TRPM7: variants seen among roughly 807,000 people sequenced by gnomAD.
TRPM7 encodes transient receptor potential cation channel subfamily M member 7.
A neutral mutation model predicts 229.7 loss-of-function variants in TRPM7; 134 were observed. The observed-to-expected ratio is 0.58, with a 90% confidence interval of 0.51 to 0.67. The LOEUF (loss-of-function observed/expected upper bound fraction) is 0.67. Ranked by LOEUF, TRPM7 falls within the 30% of genes least tolerant of loss-of-function variation. The pLI is 0.00. For synonymous variants in TRPM7, 699 were observed against 715.2 expected (o/e 0.98, Z 0.36); for missense variants, 1,901 against 2,210.0 (o/e 0.86, Z 2.80).
At chr15:50,653,992 A>G (rs2061492052) in intron 3 of TRPM7, among the ~76,000 whole-genome samples, 2 of 152,306 alleles carry the variant, frequency 1.3e-5, no homozygotes, top group Non-Finnish European at 2.9e-5. Context: ...GAAGGTCCAC[A>G]TCCTAGGACT....
Position 50,575,012 on chromosome 15 carries a change from C to T in TRPM7, c.4859G>A (p.Gly1620Glu). 2 of 1,614,130 alleles carry T rather than the reference C, an allele frequency of 1.2e-6. No homozygotes were observed. Among genetic ancestry groups the T allele is most frequent in the Non-Finnish European group, 1.7e-6 (2 of 1,179,998 alleles). Residue 1620 changes from glycine (G) to glutamate (E), a missense_variant, in exon 34 of 39, where the codon GGA (glycine) becomes GAA (glutamate). Gly to Glu is a moderately conservative substitution (Grantham distance 98). Transcript: ENST00000646667. ...KIEFLSKEEM[G>E]GGLRRAVKVQ... is the part of the protein sequence containing the mutation. ...TTTGACAGCTCTTCGTAAACCTCCTCCCATCTCCTCTTTGCTTAAAAACTC... is the reference window on the plus strand; with the variant it reads ...TTTGACAGCTCTTCGTAAACCTCCTTCCATCTCCTCTTTGCTTAAAAACTC...
chr15:50,644,665 TGA>T lies in TRPM7; in HGVS notation c.322-1114_322-1113del, dbSNP rs527294325. 2.5e-4 allele frequency among the ~76,000 whole-genome samples: 38 copies of T among 151,756 alleles called. 1 individual carries two copies. In the South Asian group the frequency reaches 7.7e-3, roughly 31 times the overall value. On this transcript the variant is annotated intron_variant, in intron 4 of 38. Coordinates refer to ENST00000646667, the MANE Select transcript of TRPM7 (RefSeq NM_017672.6). The stretch of plus-strand genomic sequence containing the variant: ...TAAATACAAAAAAATTAGCTAGGCG[TGA>T]GTGCTTGTAATCCCAGCTACTTGGG...
chr15:50,593,471 C>A lies in TRPM7; in HGVS notation c.3608+146G>T, dbSNP rs141497458. On this transcript the variant is annotated intron_variant, in intron 25 of 38. Transcript: ENST00000646667. ...TGACTTATATGAAGTATTAATAGAA[C>A]TGAACGATCTTTCCAATACATCATG... 12 of 838,640 alleles carry A rather than the reference C, an allele frequency of 1.4e-5. No homozygotes were observed. The African/African-American group carries it at 1.6e-4, about 11-fold the overall frequency. 51.9% of individuals were successfully genotyped at this position (838,640 alleles called of 1,614,324 possible). A position where few individuals can be genotyped will look rare whatever the true frequency, so the allele number is the denominator to read the frequency against.
At chr15:50,580,743 G>A (rs896227175) in intron 30 of TRPM7, 131 bp downstream of exon 30, 2 of 718,812 alleles carry the variant, frequency 2.8e-6, no homozygotes, top group Admixed American at 3.3e-5. Context: ...TATGTGAAGA[G>A]AGGAGATGCT....
chr15:50,579,492 C>T (rs1555403587), intron 30 of TRPM7, among the ~76,000 whole-genome samples: 4 of 152,196 alleles, frequency 2.6e-5, no homozygotes, highest in Non-Finnish European at 5.9e-5. Flanking sequence ...ATCAATCACT[C>T]TTTTCTCAGC....
At position 50,602,645 on chromosome 15, in the gene TRPM7, T is replaced by C. The variant is rs911992222; in HGVS notation, c.2988+2221A>G. 3.9e-5 allele frequency among the ~76,000 whole-genome samples: 6 copies of C among 152,238 alleles called. No individual in the cohort carries two copies. In the South Asian group the frequency reaches 6.2e-4, roughly 16 times the overall value. ...ATGTCTATATTTAGAGACTCAATTG[T>C]TGAGTTCCACGAAGATCTGGACCAT... On this transcript the variant is annotated intron_variant, in intron 21 of 38. Transcript: ENST00000646667.
intron 27 of TRPM7, among the ~76,000 whole-genome samples, chr15:50,589,040 G>A (rs1229102387): frequency 6.6e-6 from 1 of 152,134 alleles, no homozygotes. Flanking sequence ...AAGAAATGTA[G>A]GCCGGGCACA....
intron 1 of TRPM7, among the ~76,000 whole-genome samples, chr15:50,678,921 T>A (rs2062165549): frequency 6.6e-6 from 1 of 152,172 alleles, no homozygotes; most frequent in Non-Finnish European, 1.5e-5. Flanking sequence ...TCACCCAGGC[T>A]GGAGTGCAAT....
At chr15:50,663,679 C>A (rs114467249) in intron 1 of TRPM7, among the ~76,000 whole-genome samples, 1 of 152,146 alleles carries the variant, frequency 6.6e-6, no homozygotes, top group Admixed American at 6.6e-5. Context: ...ATTTAAAAGA[C>A]AACTAGCTCG....
chr15:50,680,065 C>A (rs2062208957), intron 1 of TRPM7, among the ~76,000 whole-genome samples: 1 of 151,876 alleles, frequency 6.6e-6, no homozygotes, highest in Admixed American at 6.6e-5. Flanking sequence ...GAAACCCTGT[C>A]TCTGCTAAAA....
At chr15:50,647,292 G>A (rs751181240) in intron 4 of TRPM7, among the ~76,000 whole-genome samples, 32 of 149,590 alleles carry the variant, frequency 2.1e-4, no homozygotes, top group African/African-American at 7.3e-4. Context: ...CACCACGCCC[G>A]ACTAATTTTT....
At chr15:50,666,728 G>A (rs1016282041) in intron 1 of TRPM7, among the ~76,000 whole-genome samples, 1 of 151,958 alleles carries the variant, frequency 6.6e-6, no homozygotes, top group Non-Finnish European at 1.5e-5. Flanking sequence ...CTTGAACCTG[G>A]GAAGCAGAAG....
chr15:50,662,274 AC>A (rs1359956665), intron 2 of TRPM7, among the ~76,000 whole-genome samples: 1 of 151,396 alleles, frequency 6.6e-6, no homozygotes, highest in East Asian at 1.9e-4. Flanking sequence ...AATGGCCTGA[AC>A]CCTGGAGGGA....
Position 50,686,593 on chromosome 15 carries a change from T to C in TRPM7, c.-60A>G, listed in dbSNP as rs1164423310. On this transcript the variant is annotated 5_prime_UTR_variant, in exon 1 of 39. Transcript: ENST00000646667. ...CTCCACCTCCTCCTCCTCCGCGGCCTGTAGCCATCTATCGGGAAGCGTCTC... is the reference window on the plus strand; with the variant it reads ...CTCCACCTCCTCCTCCTCCGCGGCCCGTAGCCATCTATCGGGAAGCGTCTC... The C allele has an allele frequency of 1.9e-6, 3 of 1,599,724 alleles. No individual in the cohort carries two copies. Among genetic ancestry groups the C allele is most frequent in the East Asian group, 2.3e-5 (1 of 43,658 alleles).
chr15:50,596,873 C>T (rs955892349), intron 22 of TRPM7, among the ~76,000 whole-genome samples: 1 of 152,170 alleles, frequency 6.6e-6, no homozygotes, highest in Non-Finnish European at 1.5e-5. Flanking sequence ...GCCTCAGCCG[C>T]CCGAATAGCT....
At chr15:50,581,209 A>C (rs554225812) in intron 29 of TRPM7, among the ~76,000 whole-genome samples, 3 of 152,228 alleles carry the variant, frequency 2.0e-5, no homozygotes, top group African/African-American at 2.4e-5. Context: ...CTTAAAATAT[A>C]TATTTGTGGC....
chr15:50,604,722 G>A (rs1596164908), intron 21 of TRPM7, 144 bp downstream of exon 21: 1 of 775,250 alleles, frequency 1.3e-6, no homozygotes, highest in Non-Finnish European at 2.0e-6. Flanking sequence ...AAACTCTTAA[G>A]GAATGGCAGA....
intron 38 of TRPM7, among the ~76,000 whole-genome samples, chr15:50,564,256 A>C (rs796366783): frequency 1.1e-3 from 46 of 43,510 alleles, no homozygotes; most frequent in African/African-American, 3.3e-3. Context: ...CAAAAAATAA[A>C]ATAAAATAAA....
At chr15:50,575,602 T>C (rs753959766) in intron 33 of TRPM7, 122 bp downstream of exon 33, 10 of 838,188 alleles carry the variant, frequency 1.2e-5, no homozygotes, top group Non-Finnish European at 1.8e-5. Context: ...GTAGTCAGAT[T>C]AATCAAGAAT....
Sources: gnomAD v4.1 joint callset for allele counts (sites outside exome capture counted in the v4.1 genomes callset) on GRCh38, gnomAD v4.1.1 for gene constraint, MANE v1.5 for transcripts, NCBI Gene and HGNC (gene_info 2026-07-23, HGNC 2026-07-21) for gene names.